The following TACR1 variants were observed in gnomAD, a reference collection of about 807,000 sequenced individuals.
The protein encoded by TACR1 is substance-P receptor.
A neutral mutation model predicts 35.8 loss-of-function variants in TACR1; 25 were observed. That is an observed-to-expected ratio of 0.70 (90% CI 0.51 to 0.98). The LOEUF (loss-of-function observed/expected upper bound fraction) is 0.98. Among genes scored for constraint, TACR1 ranks in the 50% least tolerant of loss-of-function variants. The pLI is 0.00. For synonymous variants in TACR1, 195 were observed against 206.7 expected (o/e 0.94, Z 0.48); for missense variants, 478 against 522.9 (o/e 0.91, Z 0.84).
At chr2:75,122,295 C>A (rs2075285) in intron 1 of TACR1, among the ~76,000 whole-genome samples, 1 of 151,996 alleles carries the variant, frequency 6.6e-6, no homozygotes, top group Non-Finnish European at 1.5e-5. Context: ...CCTGCCCCAA[C>A]GGGAGGAAGT....
At chr2:75,074,262 G>C (rs1358601374) in intron 2 of TACR1, among the ~76,000 whole-genome samples, 1 of 152,124 alleles carries the variant, frequency 6.6e-6, no homozygotes, top group Non-Finnish European at 1.5e-5. Flanking sequence ...AGTGTTGGCT[G>C]TGTAGTTGTG....
chr2:75,120,998 C>G (rs1673960254), intron 1 of TACR1, among the ~76,000 whole-genome samples: 1 of 152,168 alleles, frequency 6.6e-6, no homozygotes, highest in African/African-American at 2.4e-5. Flanking sequence ...ATTTCAGAAC[C>G]TATCTAGCAG....
chr2:75,153,932 A>G (rs1017438662), intron 1 of TACR1, among the ~76,000 whole-genome samples: 10 of 152,182 alleles, frequency 6.6e-5, no homozygotes, highest in African/African-American at 1.4e-4. Context: ...GGGCAGCACT[A>G]TTGAGCTTTA....
In TACR1 at chr2:75,125,950, G is replaced by T. The variant is rs1164188316; in HGVS notation, c.390-5182C>A. ...TTTATAGCTTTGATTTTAGGTTCAG[G>T]GGTACATGTGCCAGGTTTGTTCTAT... On this transcript the variant is annotated intron_variant, in intron 1 of 4. Transcript: ENST00000305249. Among the ~76,000 whole-genome samples, 5 of 152,226 alleles carry T rather than the reference G, an allele frequency of 3.3e-5. No individual in the cohort carries two copies. The South Asian group carries it at 8.3e-4, about 25-fold the overall frequency.
chr2:75,149,175 T>C (rs553173515), intron 1 of TACR1, among the ~76,000 whole-genome samples: 7 of 152,180 alleles, frequency 4.6e-5, no homozygotes, highest in Non-Finnish European at 8.8e-5. Flanking sequence ...AGCCTTGTAG[T>C]ATAGTTTGAA....
At chr2:75,051,045 A>G (rs893703840) in intron 4 of TACR1, 2 of 632,680 alleles carry the variant, frequency 3.2e-6, no homozygotes, top group Non-Finnish European at 5.5e-6. Flanking sequence ...TTGGAAAAGA[A>G]AAAAAGAAAA....
chr2:75,154,162 T>G (rs554358220), intron 1 of TACR1, among the ~76,000 whole-genome samples: 66 of 152,172 alleles, frequency 4.3e-4, no homozygotes, highest in Non-Finnish European at 6.8e-4. Flanking sequence ...TGCTGCTGCC[T>G]TCCTCCCGGC....
intron 1 of TACR1, among the ~76,000 whole-genome samples, chr2:75,145,148 T>A: frequency 6.6e-6 from 1 of 152,206 alleles, no homozygotes; most frequent in Middle Eastern, 3.4e-3. Context: ...AGAGAAAAAA[T>A]TTATAATCAT....
chr2:75,194,527 A>C (rs960415592), intron 1 of TACR1, among the ~76,000 whole-genome samples: 1 of 152,244 alleles, frequency 6.6e-6, no homozygotes, highest in African/African-American at 2.4e-5. Context: ...GGTCTAATAG[A>C]GACCTGGAAA....
In TACR1 at chr2:75,093,122, G is replaced by A. The variant is rs185971806; in HGVS notation, c.584+27452C>T. 2.0e-5 allele frequency among the ~76,000 whole-genome samples: 3 copies of A among 152,268 alleles called. No individual in the cohort carries two copies. In the East Asian group the frequency reaches 5.8e-4, roughly 29 times the overall value. ...AAGAGTGCAAAGGAGAAGGGGAGAG[G>A]AGAGAAGGTGACAATATGTTGCAGT... On this transcript the variant is annotated intron_variant, in intron 2 of 4. Transcript: ENST00000305249.
intron 1 of TACR1, among the ~76,000 whole-genome samples, chr2:75,165,177 T>G (rs1030972886): frequency 6.6e-6 from 1 of 152,210 alleles, no homozygotes; most frequent in African/African-American, 2.4e-5. Flanking sequence ...GCATAATTGG[T>G]CACAACTCCC....
chr2:75,047,400 A>T lies in TACR1; in HGVS notation c.*2032T>A, dbSNP rs1394622224. On this transcript the variant is annotated 3_prime_UTR_variant, in exon 5 of 5. Transcript: ENST00000305249. ...GATGGCCAATAAGGTAGGCTCTTCAAGAGCTGCAGGGGCTGTGTGTTCCCA... is the reference window on the plus strand; with the variant it reads ...GATGGCCAATAAGGTAGGCTCTTCATGAGCTGCAGGGGCTGTGTGTTCCCA... 6.6e-6 allele frequency: 1 copy of T among 152,350 alleles called. No homozygotes were observed. Among genetic ancestry groups the T allele is most frequent in the African/African-American group, 2.4e-5 (1 of 41,460 alleles). 9.4% of individuals were successfully genotyped at this position (152,350 alleles called of 1,614,324 possible).
intron 2 of TACR1, among the ~76,000 whole-genome samples, chr2:75,083,869 C>T (rs1016886627): frequency 3.9e-5 from 6 of 152,148 alleles, no homozygotes; most frequent in African/African-American, 1.4e-4. Flanking sequence ...ATGTCATCTG[C>T]AAACAGGGAC....
At chr2:75,132,901 T>G (rs973578826) in intron 1 of TACR1, among the ~76,000 whole-genome samples, 5 of 152,194 alleles carry the variant, frequency 3.3e-5, no homozygotes, top group Non-Finnish European at 7.4e-5. Flanking sequence ...AGATTTTTTT[T>G]GTTTTCTGTC....
rs774299049 is a variant in TACR1 at position 75,049,630 on chromosome 2, G to A, written c.1026C>T (p.Leu342=). ...CTTTGTACACACTGCCCTGGGTCTG[G>A]AGATACCGGGTGGATTTCATTTCCA... ...EGLEMKSTRY[L]QTQGSVYKVS... Residue 342 remains leucine, a synonymous_variant, in exon 5 of 5, where the codon CTC becomes CTT. Coordinates refer to ENST00000305249, the MANE Select transcript of TACR1 (RefSeq NM_001058.4). 1.9e-6 allele frequency: 3 copies of A among 1,614,178 alleles called. No individual in the cohort carries two copies. In the Admixed American group the frequency reaches 5.0e-5, roughly 27 times the overall value.
chr2:75,174,017 T>G (rs1180977934), intron 1 of TACR1, among the ~76,000 whole-genome samples: 1 of 152,072 alleles, frequency 6.6e-6, no homozygotes, highest in Non-Finnish European at 1.5e-5. Flanking sequence ...ATCATTCTCT[T>G]TGCTTCACTC....
chr2:75,193,319 C>T (rs1016050396), intron 1 of TACR1, among the ~76,000 whole-genome samples: 3 of 152,176 alleles, frequency 2.0e-5, no homozygotes, highest in East Asian at 1.9e-4. Flanking sequence ...GTTTGATGGA[C>T]GGATGGATGA....
chr2:75,068,684 A>G (rs1672816400), intron 2 of TACR1, among the ~76,000 whole-genome samples: 1 of 152,176 alleles, frequency 6.6e-6, no homozygotes, highest in East Asian at 1.9e-4. Context: ...CTTAGGTACA[A>G]ACATTGCAGA....
At chr2:75,092,316 C>G (rs879349556) in intron 2 of TACR1, among the ~76,000 whole-genome samples, 1 of 152,072 alleles carries the variant, frequency 6.6e-6, no homozygotes, top group African/African-American at 2.4e-5. Context: ...GCAACACCAC[C>G]AGCTTTAATT....
Sources: allele counts gnomAD v4.1 joint callset (sites outside exome capture counted in the v4.1 genomes callset), GRCh38; gene constraint gnomAD v4.1.1; transcripts MANE v1.5; gene names NCBI Gene and HGNC (gene_info 2026-07-23, HGNC 2026-07-21).